SLFN12L: variants seen among roughly 807,000 people sequenced by gnomAD.
The protein encoded by SLFN12L is schlafen family member 12 like, also known as schlafen family member 12-like.
A neutral mutation model predicts 34.8 loss-of-function variants in SLFN12L; 34 were observed. The observed-to-expected ratio is 0.98, with a 90% confidence interval of 0.74 to 1.30. SLFN12L has a LOEUF of 1.30. Ranked by LOEUF, SLFN12L falls within the 50% of genes most tolerant of loss-of-function variation. SLFN12L has a pLI of 0.00. For missense variants in SLFN12L, 703 were observed against 696.2 expected (o/e 1.01, Z -0.11); for synonymous variants, 259 against 247.5 (o/e 1.05, Z -0.44).
intron 2 of SLFN12L, among the ~76,000 whole-genome samples, chr17:35,487,303 C>T (rs373837192): frequency 6.6e-6 from 1 of 152,282 alleles, no homozygotes; most frequent in African/African-American, 2.4e-5. Context: ...TCATCTACAG[C>T]TTTCAAGTCC....
In SLFN12L at chr17:35,479,132, C is replaced by T. The variant is rs373543266; in HGVS notation, c.1150G>A (p.Val384Met). ...CTTCCTCAACCTGGTTCTGAATCCACCATGAACTGGATCCATTCCTTCTCG... is the reference window on the plus strand; with the variant it reads ...CTTCCTCAACCTGGTTCTGAATCCATCATGAACTGGATCCATTCCTTCTCG... ...LTEKEWIQFM[V>M]DSEPVCEELP... Residue 384 changes from valine (V) to methionine (M), a missense_variant, in exon 3 of 5, where the codon GTG (valine) becomes ATG (methionine). Physicochemically the swap from Val to Met is conservative, Grantham distance 21 (BLOSUM62 1). Coordinates refer to ENST00000628453, the MANE Select transcript of SLFN12L (RefSeq NM_001363830.2). The T allele has an allele frequency of 2.5e-4, 386 of 1,562,400 alleles. No individual in the cohort carries two copies. The African/African-American group carries it at 4.6e-3, about 19-fold the overall frequency.
At position 35,510,614 on chromosome 17, in the gene SLFN12L, C is replaced by T. The variant is rs141591729; in HGVS notation, c.86+11665G>A. Among the ~76,000 whole-genome samples, 9 of 152,114 alleles carry T rather than the reference C, an allele frequency of 5.9e-5. No homozygotes were observed. In the East Asian group the frequency reaches 1.3e-3, roughly 23 times the overall value. The stretch of plus-strand genomic sequence containing the variant: ...GCTGGACAAGGAGAATGAGAGTGAG[C>T]GCTAATGGATGTTGCATTTCTTTGT... On this transcript the variant is annotated intron_variant, in intron 2 of 4. Coordinates refer to ENST00000628453, the MANE Select transcript of SLFN12L (RefSeq NM_001363830.2).
In SLFN12L at chr17:35,474,645, G is replaced by T; in HGVS notation, c.*278C>A. On this transcript the variant is annotated 3_prime_UTR_variant, in exon 5 of 5. Coordinates refer to ENST00000628453, the MANE Select transcript of SLFN12L (RefSeq NM_001363830.2). ...TATAAAAGAATTGATTCTCCAGCCG[G>T]GCGCGGTGGCTCACATCTGTACTCC... 3.3e-6 allele frequency: 1 copy of T among 305,504 alleles called. No homozygotes were observed. The highest frequency in any genetic ancestry group is 6.1e-6 in the Non-Finnish European group (1 of 163,692). 18.9% of individuals were successfully genotyped at this position (305,504 alleles called of 1,614,324 possible).
At chr17:35,503,980 A>G (rs927496024) in intron 2 of SLFN12L, among the ~76,000 whole-genome samples, 1 of 152,158 alleles carries the variant, frequency 6.6e-6, no homozygotes. Context: ...ACCCTACAAA[A>G]CTAAAGCTAA....
At chr17:35,510,348 A>C (rs952763521) in intron 2 of SLFN12L, 4 of 152,272 alleles carry the variant, frequency 2.6e-5, no homozygotes, top group African/African-American at 9.6e-5. Flanking sequence ...AAGTGGAAAC[A>C]GTCCAAATGT....
At position 35,469,960 on chromosome 17, in the gene SLFN12L, C is replaced by A. The variant is rs1913779762; in HGVS notation, c.*4963G>T. The A allele has an allele frequency of 6.6e-6, 1 of 152,216 alleles. No individual in the cohort carries two copies. The allele number at this position is 152,216 out of a possible 1,614,324, so 9.4% of individuals were successfully genotyped here. ...ATTAGATTTTCCCCTCACTTCTGCT[C>A]CTCTTTCCTTAACCAACTGGATGCT... On this transcript the variant is annotated 3_prime_UTR_variant, in exon 5 of 5. Coordinates refer to ENST00000628453, the MANE Select transcript of SLFN12L (RefSeq NM_001363830.2).
rs1567637393 is a variant in SLFN12L, at chr17:35,472,074, G to GT, written c.*2848dup. ...AAGCTCTTTAGTTTAATTAGATCCC[G>GT]TTTGTCAACTTTGGCTTTCGTTGCA... is the stretch of plus-strand genomic sequence containing the variant. On this transcript the variant is annotated 3_prime_UTR_variant, in exon 5 of 5. Transcript: ENST00000628453. Among the ~76,000 whole-genome samples the GT allele has an allele frequency of 6.6e-6, 1 of 152,050 alleles. No individual in the cohort carries two copies. The highest frequency in any genetic ancestry group is 1.5e-5 in the Non-Finnish European group (1 of 67,992).
At chr17:35,478,724 GA>G (rs564808007) in intron 3 of SLFN12L, among the ~76,000 whole-genome samples, 42 of 152,298 alleles carry the variant, frequency 2.8e-4, no homozygotes, top group Admixed American at 2.4e-3. Flanking sequence ...GAAATAAATG[GA>G]AAGTGGGTAA....
intron 2 of SLFN12L, among the ~76,000 whole-genome samples, chr17:35,481,747 T>A (rs1914347517): frequency 6.6e-6 from 1 of 152,248 alleles, no homozygotes; most frequent in Non-Finnish European, 1.5e-5. Flanking sequence ...TGTGTCTTTA[T>A]TTCTACAATC....
rs1913771747 is a variant in SLFN12L at position 35,469,480 on chromosome 17, G to A, written c.*5443C>T. Among the ~76,000 whole-genome samples the A allele has an allele frequency of 6.6e-6, 1 of 151,040 alleles. No individual in the cohort carries two copies. Among genetic ancestry groups the A allele is most frequent in the African/African-American group, 2.4e-5 (1 of 41,040 alleles). On this transcript the variant is annotated 3_prime_UTR_variant, in exon 5 of 5. Transcript: ENST00000628453. ...AACTTAGTTATGGACCAGCCTACAA[G>A]GGCTCTTTATACTTCCACATTGTTC...
At position 35,475,317 on chromosome 17, in the gene SLFN12L, T is replaced by A; in HGVS notation, c.1445A>T (p.Lys482Ile). 6.2e-7 allele frequency: 1 copy of A among 1,614,166 alleles called. No individual in the cohort carries two copies. The highest frequency in any genetic ancestry group is 8.5e-7 in the Non-Finnish European group (1 of 1,180,032). Reference sequence around the variant, plus strand: ...AATCAGAAGAGCATCACAGAGGACTTTGTGGTTCTCTTGCAAGCCCAGATC... The same window carrying A: ...AATCAGAAGAGCATCACAGAGGACTATGTGGTTCTCTTGCAAGCCCAGATC... Reference protein sequence around the residue: ...SLDLGLQENHKVLCDALLISQ... With the variant: ...SLDLGLQENHIVLCDALLISQ... Residue 482 changes from lysine (K) to isoleucine (I), a missense_variant, in exon 5 of 5, where the codon AAA becomes ATA. Transcript: ENST00000628453.
At position 35,472,093 on chromosome 17, in the gene SLFN12L, C is replaced by T. The variant is rs1201450757; in HGVS notation, c.*2830G>A. On this transcript the variant is annotated 3_prime_UTR_variant, in exon 5 of 5. Coordinates refer to ENST00000628453, the MANE Select transcript of SLFN12L (RefSeq NM_001363830.2). ...GATCCCGTTTGTCAACTTTGGCTTT[C>T]GTTGCAATTGCTTTTGGTGTTTTTG... Among the ~76,000 whole-genome samples the T allele has an allele frequency of 2.6e-5, 4 of 152,120 alleles. No individual in the cohort carries two copies. Among genetic ancestry groups the T allele is most frequent in the Admixed American group, 1.3e-4 (2 of 15,276 alleles).
chr17:35,496,146 C>T lies in SLFN12L; in HGVS notation c.87-15951G>A, dbSNP rs1006283007. 4.6e-5 allele frequency among the ~76,000 whole-genome samples: 7 copies of T among 152,102 alleles called. 1 individual carries two copies. Among genetic ancestry groups the T allele is most frequent in the South Asian group, 2.1e-4 (1 of 4,808 alleles). On this transcript the variant is annotated intron_variant, in intron 2 of 4. Transcript: ENST00000628453. Reference sequence around the variant, plus strand: ...ACGTGACCAGTTACCAGGGAAACATCCTGGAGACACCACCTGTGGTCATCC... The same window carrying T: ...ACGTGACCAGTTACCAGGGAAACATTCTGGAGACACCACCTGTGGTCATCC...
chr17:35,498,877 A>G (rs1257734545), intron 2 of SLFN12L: 14 of 705,248 alleles, frequency 2.0e-5, no homozygotes, highest in Non-Finnish European at 2.0e-5. Context: ...AGTGAGAACA[A>G]TTACTTGGAG....
chr17:35,486,619 C>G (rs1381222660), intron 2 of SLFN12L, among the ~76,000 whole-genome samples: 5 of 152,164 alleles, frequency 3.3e-5, no homozygotes, highest in East Asian at 3.8e-4. Context: ...TAAAAACGAG[C>G]TGAGGACTGA....
rs377478826 is a variant in SLFN12L, at chr17:35,467,064, C to G, written c.*7859G>C. On this transcript the variant is annotated 3_prime_UTR_variant, in exon 5 of 5. Transcript: ENST00000628453. ...TCCTGGGCTCTCTAGCATATTCACA[C>G]GCAGAAGGGAGTGACGTCCCCAGTC... 6.6e-6 allele frequency among the ~76,000 whole-genome samples: 1 copy of G among 152,178 alleles called. No homozygotes were observed.
At chr17:35,514,123 T>G (rs779164854) in intron 2 of SLFN12L, among the ~76,000 whole-genome samples, 1 of 152,178 alleles carries the variant, frequency 6.6e-6, no homozygotes, top group Non-Finnish European at 1.5e-5. Context: ...TTGATTGGGG[T>G]ATACATAAAT....
intron 2 of SLFN12L, chr17:35,480,398 CTG>C (rs1176717326): frequency 8.4e-5 from 38 of 454,988 alleles, no homozygotes; most frequent in Non-Finnish European, 1.5e-4. Context: ...TTTGTTACAA[CTG>C]TTTTATACGA....
chr17:35,530,272 G>A (rs1417653026), intron 1 of SLFN12L, among the ~76,000 whole-genome samples: 11 of 148,450 alleles, frequency 7.4e-5, no homozygotes, highest in South Asian at 2.2e-4. Flanking sequence ...ACTTGAACCC[G>A]GGAGGCGGAG....
Sources: gnomAD v4.1 joint callset for allele counts (sites outside exome capture counted in the v4.1 genomes callset) on GRCh38, gnomAD v4.1.1 for gene constraint, MANE v1.5 for transcripts, NCBI Gene and HGNC (gene_info 2026-07-23, HGNC 2026-07-21) for gene names.